SNX24: variants seen among roughly 807,000 people sequenced by gnomAD.
SNX24 encodes the protein sorting nexin-24.
Under a neutral mutation model 28.7 loss-of-function variants are expected in SNX24, and 22 were observed. The observed-to-expected ratio is 0.77, with a 90% CI of 0.55 to 1.10. SNX24 has a LOEUF of 1.10. Ranked by LOEUF, SNX24 falls within the 50% of genes least tolerant of loss-of-function variation. The pLI is 0.00. For synonymous variants in SNX24, 69 were observed against 71.5 expected, an observed-to-expected ratio of 0.96 and a Z score of 0.18; for missense variants, 221 against 201.1, an observed-to-expected ratio of 1.10 and a Z score of -0.60.
chr5:122,883,542 T>A (rs985111561), intron 1 of SNX24, among the ~76,000 whole-genome samples: 1 of 152,228 alleles, frequency 6.6e-6, no homozygotes, highest in Non-Finnish European at 1.5e-5. Flanking sequence ...TCTATGAACT[T>A]CTATTAATGT....
intron 1 of SNX24, among the ~76,000 whole-genome samples, chr5:122,870,217 A>C (rs929244035): frequency 3.3e-5 from 5 of 152,212 alleles, no homozygotes; most frequent in Admixed American, 1.3e-4. Context: ...CTATCAACCT[A>C]AAGATCTTTG....
chr5:122,979,250 CAAG>C (rs1220489269), intron 3 of SNX24, among the ~76,000 whole-genome samples: 1 of 152,192 alleles, frequency 6.6e-6, no homozygotes, highest in African/African-American at 2.4e-5. Context: ...ATCAAGCGTG[CAAG>C]AAGACGATGA....
intron 1 of SNX24, among the ~76,000 whole-genome samples, chr5:122,863,796 C>A (rs867280531): frequency 6.6e-6 from 1 of 152,272 alleles, no homozygotes; most frequent in Middle Eastern, 3.4e-3. Flanking sequence ...CTAAAGGGAT[C>A]ATCCCACCTT....
At chr5:122,951,624 G>C (rs1759946860) in intron 3 of SNX24, among the ~76,000 whole-genome samples, 1 of 152,164 alleles carries the variant, frequency 6.6e-6, no homozygotes, top group South Asian at 2.1e-4. Flanking sequence ...TGAAATGAAA[G>C]TACAGAAACT....
chr5:123,011,629 T>C (rs964070710), downstream of SNX24, among the ~76,000 whole-genome samples: 1 of 152,252 alleles, frequency 6.6e-6, no homozygotes, highest in African/African-American at 2.4e-5. Context: ...AGAAGAATTC[T>C]GGCACACCTG....
At chr5:123,004,757 C>T (rs1045851368) in intron 6 of SNX24, among the ~76,000 whole-genome samples, 4 of 152,162 alleles carry the variant, frequency 2.6e-5, no homozygotes, top group East Asian at 1.9e-4. Context: ...TTTCCTCCAC[C>T]GTGAGCCTTG....
rs565632861 is a variant in SNX24 at position 123,007,450 on chromosome 5, C to T, written c.443-232C>T. Among the ~76,000 whole-genome samples, 18 of 152,310 alleles carry T rather than the reference C, an allele frequency of 1.2e-4. No individual in the cohort carries two copies. In the South Asian group the frequency reaches 2.1e-3, roughly 18 times the overall value. ...TTAGAACATCCCTTAAATCAATAAG[C>T]TACAAATCTGGCCGCACATTCCTGC... On this transcript the variant is annotated intron_variant, in intron 6 of 6. Transcript: ENST00000261369.
chr5:122,884,288 G>A (rs1756607558), intron 1 of SNX24, among the ~76,000 whole-genome samples: 1 of 113,802 alleles, frequency 8.8e-6, no homozygotes, highest in Non-Finnish European at 1.6e-5. Context: ...GAGTCTCGCT[G>A]TTGCCTAGGC....
intron 3 of SNX24, among the ~76,000 whole-genome samples, chr5:122,952,679 G>A (rs189722623): frequency 1.1e-3 from 162 of 152,274 alleles, no homozygotes; most frequent in African/African-American, 3.7e-3. Flanking sequence ...GAGATAATTT[G>A]GGACATAAAA....
chr5:123,011,584 A>C (rs1296725124), downstream of SNX24, among the ~76,000 whole-genome samples: 1 of 152,194 alleles, frequency 6.6e-6, no homozygotes, highest in African/African-American at 2.4e-5. Flanking sequence ...GTCAACTTTG[A>C]TCGATTGACA....
intron 5 of SNX24, among the ~76,000 whole-genome samples, chr5:123,021,672 A>AT (rs2150187216): frequency 6.6e-6 from 1 of 152,276 alleles, no homozygotes; most frequent in Admixed American, 6.5e-5. Flanking sequence ...GCATCACATC[A>AT]TGCCCCTCCG....
At chr5:123,002,037 T>C in intron 6 of SNX24, 33 bp downstream of exon 6, 3 of 1,554,542 alleles carry the variant, frequency 1.9e-6, no homozygotes, top group East Asian at 2.2e-5. Context: ...AACAGCTCTT[T>C]ACTGATCTGA....
At chr5:123,007,336 AT>A (rs1762452494) in intron 6 of SNX24, among the ~76,000 whole-genome samples, 1 of 152,330 alleles carries the variant, frequency 6.6e-6, no homozygotes, top group African/African-American at 2.4e-5. Flanking sequence ...GTATATTGAG[AT>A]TTTGTTAGAA....
At chr5:122,880,406 G>A (rs186941578) in intron 1 of SNX24, among the ~76,000 whole-genome samples, 1 of 152,282 alleles carries the variant, frequency 6.6e-6, no homozygotes, top group Non-Finnish European at 1.5e-5. Flanking sequence ...CCTTGTAAAA[G>A]CTACTGCCCA....
At chr5:122,994,923 G>A (rs1423091493) in intron 3 of SNX24, among the ~76,000 whole-genome samples, 1 of 152,104 alleles carries the variant, frequency 6.6e-6, no homozygotes, top group East Asian at 1.9e-4. Context: ...GTTGGATGTA[G>A]TAATATCGAA....
chr5:123,003,291 A>T (rs898733775), intron 6 of SNX24, among the ~76,000 whole-genome samples: 3 of 152,180 alleles, frequency 2.0e-5, no homozygotes, highest in African/African-American at 7.2e-5. Flanking sequence ...GTATAGGAAT[A>T]TGACCTCATA....
chr5:123,001,611 G>A (rs1381605978), intron 5 of SNX24, among the ~76,000 whole-genome samples, 174 bp downstream of exon 5: 1 of 152,164 alleles, frequency 6.6e-6, no homozygotes, highest in East Asian at 1.9e-4. Flanking sequence ...ATTAAGAGTG[G>A]AGGAATAAGA....
chr5:122,908,516 A>C (rs1757745782), intron 1 of SNX24, among the ~76,000 whole-genome samples: 1 of 152,244 alleles, frequency 6.6e-6, no homozygotes. Flanking sequence ...CTTAAGGGAA[A>C]AATTATTCTT....
intron 3 of SNX24, among the ~76,000 whole-genome samples, chr5:122,958,010 T>C (rs537299878): frequency 9.1e-4 from 139 of 152,256 alleles, no homozygotes; most frequent in Non-Finnish European, 1.7e-3. Flanking sequence ...TTAGGATAGC[T>C]TTATTTCTTT....
Sources: gnomAD v4.1 joint callset for allele counts (sites outside exome capture counted in the v4.1 genomes callset) on GRCh38, gnomAD v4.1.1 for gene constraint, MANE v1.5 for transcripts, NCBI Gene and HGNC (gene_info 2026-07-23, HGNC 2026-07-21) for gene names.